The following SERAC1 variants were observed in gnomAD, a reference collection of about 807,000 sequenced individuals.
The protein encoded by SERAC1 is serine active site containing 1.
SERAC1 carries 36 observed loss-of-function variants against 85.7 expected under a neutral mutation model. The observed-to-expected ratio is 0.42, with a 90% CI of 0.32 to 0.55. The LOEUF (loss-of-function observed/expected upper bound fraction) is 0.55, where lower values mean the gene tolerates loss of function less well. Among genes scored for constraint, SERAC1 ranks in the 20% least tolerant of loss-of-function variants. The pLI is 0.11. For missense variants in SERAC1, 629 were observed against 796.2 expected (o/e 0.79, Z 2.53); for synonymous variants, 242 against 265.3 (o/e 0.91, Z 0.85).
chr6:158,155,218 AC>A (rs1785301577), intron 3 of SERAC1, 96 bp downstream of exon 3: 1 of 778,022 alleles, frequency 1.3e-6, no homozygotes, highest in Admixed American at 2.3e-5. Context: ...CAAAATCTAT[AC>A]CCTTTCAAGA....
At chr6:158,167,032 G>T (rs557902928) in intron 1 of SERAC1, among the ~76,000 whole-genome samples, 2 of 151,790 alleles carry the variant, frequency 1.3e-5, no homozygotes, top group Non-Finnish European at 2.9e-5. Context: ...GATCAAGGAA[G>T]AGAATGTATG....
chr6:158,132,155 C>A (rs1438167209), intron 8 of SERAC1, among the ~76,000 whole-genome samples: 1 of 152,050 alleles, frequency 6.6e-6, no homozygotes, highest in Non-Finnish European at 1.5e-5. Flanking sequence ...CAAAAGAGGA[C>A]AACTACAAGG....
At chr6:158,157,930 A>G (rs1457136503) in intron 2 of SERAC1, among the ~76,000 whole-genome samples, 1 of 152,222 alleles carries the variant, frequency 6.6e-6, no homozygotes, top group Non-Finnish European at 1.5e-5. Context: ...AGGCAAAGAC[A>G]ACATCTTCCT....
At chr6:158,159,387 T>A (rs1371436266) in intron 1 of SERAC1, 2 of 151,264 alleles carry the variant, frequency 1.3e-5, no homozygotes, top group African/African-American at 4.9e-5. Context: ...TAGTCCCAGC[T>A]ACTCGGGAGG....
At chr6:158,146,497 C>A (rs1245234273) in intron 6 of SERAC1, 21 of 212,298 alleles carry the variant, frequency 9.9e-5, no homozygotes, top group Admixed American at 5.8e-4. Flanking sequence ...CAAGCTCTGC[C>A]TCCTGGGTTC....
chr6:158,118,618 CAAAAA>C (rs576637812), intron 12 of SERAC1, among the ~76,000 whole-genome samples: 1 of 90,390 alleles, frequency 1.1e-5, no homozygotes, highest in African/African-American at 3.8e-5. Context: ...ACCCTCATCT[CAAAAA>C]AAAAAAAAAA....
intron 2 of SERAC1, among the ~76,000 whole-genome samples, chr6:158,157,297 T>G (rs1785376080): frequency 6.6e-6 from 1 of 152,120 alleles, no homozygotes; most frequent in South Asian, 2.1e-4. Flanking sequence ...GCACCCAGCC[T>G]TAACCTATAA....
intron 8 of SERAC1, among the ~76,000 whole-genome samples, chr6:158,142,638 A>G (rs532235409): frequency 1.3e-4 from 20 of 152,066 alleles, no homozygotes; most frequent in Admixed American, 5.2e-4. Flanking sequence ...CACCACGCCC[A>G]GCTAATTTTT....
chr6:158,113,524 G>A lies in SERAC1; in HGVS notation c.1753C>T (p.Leu585=). The A allele has an allele frequency of 6.2e-7, 1 of 1,613,860 alleles. No individual in the cohort carries two copies. Among genetic ancestry groups the A allele is most frequent in the Non-Finnish European group, 8.5e-7 (1 of 1,179,776 alleles). ...EFAKDKNFQV[L]NFVETLPTYI... is the part of the protein sequence containing the mutation. ...GTTGGTAGTGTTTCCACAAAATTCA[G>A]CACCTGGAAGTTTTTGTCTTTAGCA... Residue 585 remains leucine (L), a synonymous_variant, in exon 16 of 17, where the codon CTG becomes TTG. Coordinates refer to ENST00000647468, the MANE Select transcript of SERAC1 (RefSeq NM_032861.4).
intron 13 of SERAC1, chr6:158,116,718 C>T (rs1330271197): frequency 6.2e-6 from 1 of 161,380 alleles, no homozygotes; most frequent in Non-Finnish European, 1.4e-5. Flanking sequence ...CCCTCCAACA[C>T]TTAGGATATG....
chr6:158,130,831 T>TATATTATTTTCCAGATTCTGCTAATAGC (rs1368822936), intron 8 of SERAC1, among the ~76,000 whole-genome samples: 1 of 152,202 alleles, frequency 6.6e-6, no homozygotes, highest in Non-Finnish European at 1.5e-5. Context: ...GTCACTACAG[T>TATATTATTTTCCAGATTCTGCTAATAGC]ATATTATTTT....
At chr6:158,163,999 T>C (rs2128426288) in intron 1 of SERAC1, among the ~76,000 whole-genome samples, 1 of 151,896 alleles carries the variant, frequency 6.6e-6, no homozygotes, top group East Asian at 2.0e-4. Context: ...CTTCCCAAAG[T>C]GCTGGGATTA....
At chr6:158,113,708 G>C (rs1784202814) in intron 15 of SERAC1, 116 bp from the exon 16 acceptor site, 1 of 930,698 alleles carries the variant, frequency 1.1e-6, no homozygotes, top group Admixed American at 2.5e-5. Context: ...ACGGTGGCTT[G>C]AGTACACATG....
At chr6:158,142,964 A>T in intron 8 of SERAC1, 92 bp downstream of exon 8, 1 of 989,086 alleles carries the variant, frequency 1.0e-6, no homozygotes, top group Non-Finnish European at 1.5e-6. Context: ...TAGCATGTTT[A>T]CTCAGTTACT....
intron 1 of SERAC1, among the ~76,000 whole-genome samples, chr6:158,163,503 A>C (rs975692422): frequency 6.6e-6 from 1 of 152,158 alleles, no homozygotes. Context: ...TCAACTGACT[A>C]TATCTGCGGC....
At chr6:158,129,904 C>A (rs541624628) in intron 9 of SERAC1, among the ~76,000 whole-genome samples, 1 of 152,228 alleles carries the variant, frequency 6.6e-6, no homozygotes, top group African/African-American at 2.4e-5. Flanking sequence ...CCATGTTGGC[C>A]AGGCTGGTCT....
chr6:158,131,904 G>T (rs144193925), intron 8 of SERAC1, among the ~76,000 whole-genome samples: 5 of 152,266 alleles, frequency 3.3e-5, no homozygotes, highest in Admixed American at 6.5e-5. Flanking sequence ...TGAAAATTTT[G>T]AGTCTCTTCT....
At chr6:158,147,307 CT>C (rs78266108) in intron 5 of SERAC1, among the ~76,000 whole-genome samples, 125 of 142,836 alleles carry the variant, frequency 8.8e-4, no homozygotes, top group South Asian at 1.3e-3. Context: ...CCCAGCTAAT[CT>C]TTTTTTTTTT....
intron 8 of SERAC1, among the ~76,000 whole-genome samples, chr6:158,141,362 G>C (rs945806637): frequency 6.6e-6 from 1 of 152,180 alleles, no homozygotes; most frequent in African/African-American, 2.4e-5. Context: ...TTAGATTGGA[G>C]TAATGATTAT....
Sources: gnomAD v4.1 joint callset for allele counts (sites outside exome capture counted in the v4.1 genomes callset) on GRCh38, gnomAD v4.1.1 for gene constraint, MANE v1.5 for transcripts, NCBI Gene and HGNC (gene_info 2026-07-23, HGNC 2026-07-21) for gene names.